The following GRIP1 variants were observed in gnomAD, a reference collection of about 807,000 sequenced individuals.
GRIP1 encodes glutamate receptor-interacting protein 1.
GRIP1 carries 45 observed loss-of-function variants against 129.9 expected under a neutral mutation model. The ratio of observed to expected loss-of-function variants is 0.35; its 90% CI spans 0.27 to 0.44. GRIP1 has a LOEUF of 0.44. Among genes scored for constraint, GRIP1 ranks in the 20% least tolerant of loss-of-function variants. The probability of loss-of-function intolerance (pLI) is 1.00; values close to 1 mark genes in which losing one functional copy is unlikely to be tolerated. For missense variants in GRIP1, 1,196 were observed against 1,396.8 expected, an observed-to-expected ratio of 0.86 and a Z score of 2.29; for synonymous variants, 530 against 520.8, an observed-to-expected ratio of 1.02 and a Z score of -0.24.
At chr12:66,541,779 T>C (rs1565843907) in intron 3 of GRIP1, 36 bp downstream of exon 3, 4 of 1,604,854 alleles carry the variant, frequency 2.5e-6, no homozygotes, top group Admixed American at 1.7e-5. Flanking sequence ...TTACACCCTG[T>C]GTTCCTTTCA....
rs185553363 is a variant in GRIP1, at chr12:66,659,076, T to C, written c.55+19774A>G. ...CCTTACATGCCAAGTTCATTCCTGC[T>C]GCATGGCTTTTGTACTTGCTCTTCT... On this transcript the variant is annotated intron_variant, in intron 1 of 24. Transcript: ENST00000359742. Among the ~76,000 whole-genome samples the C allele has an allele frequency of 1.5e-4, 23 of 152,360 alleles. 1 individual carries two copies. The highest frequency in any genetic ancestry group is 1.5e-3 in the Admixed American group (23 of 15,306).
chr12:66,623,756 A>G (rs1321371119), intron 1 of GRIP1, among the ~76,000 whole-genome samples: 1 of 152,116 alleles, frequency 6.6e-6, no homozygotes, highest in Non-Finnish European at 1.5e-5. Context: ...ATTTATTTTC[A>G]GGATTAAAGA....
At chr12:66,630,513 T>A (rs1487063258) in intron 1 of GRIP1, among the ~76,000 whole-genome samples, 1 of 131,162 alleles carries the variant, frequency 7.6e-6, no homozygotes, top group Admixed American at 7.6e-5. Context: ...AGTGAAAGAA[T>A]GAATCGCATT....
intron 23 of GRIP1, among the ~76,000 whole-genome samples, chr12:66,369,596 A>G (rs1166029655): frequency 1.3e-5 from 2 of 152,140 alleles, no homozygotes; most frequent in Non-Finnish European, 2.9e-5. Flanking sequence ...CTGAGAATGT[A>G]AAGTACATAG....
chr12:66,616,149 A>G (rs1038970731), intron 1 of GRIP1, among the ~76,000 whole-genome samples: 3 of 152,126 alleles, frequency 2.0e-5, no homozygotes, highest in East Asian at 1.9e-4. Flanking sequence ...GGCTTTAACT[A>G]AGGGATATAA....
chr12:67,048,456 A>C (rs1252143092), intron 1 of GRIP1, among the ~76,000 whole-genome samples: 2 of 152,100 alleles, frequency 1.3e-5, no homozygotes, highest in African/African-American at 4.8e-5. Flanking sequence ...ACATATACGC[A>C]CACACATACA....
intron 2 of GRIP1, among the ~76,000 whole-genome samples, chr12:66,556,632 A>T (rs562264700): frequency 6.7e-6 from 1 of 150,350 alleles, no homozygotes; most frequent in South Asian, 2.1e-4. Context: ...AGCCAGTATG[A>T]TAAAACATTA....
At chr12:66,882,532 C>T (rs2040497276) in intron 1 of GRIP1, among the ~76,000 whole-genome samples, 1 of 152,080 alleles carries the variant, frequency 6.6e-6, no homozygotes, top group Non-Finnish European at 1.5e-5. Context: ...GCCTCAGTTC[C>T]CTTATCTGTA....
chr12:66,506,923 T>C (rs551030459), intron 7 of GRIP1, among the ~76,000 whole-genome samples: 4 of 152,284 alleles, frequency 2.6e-5, no homozygotes, highest in African/African-American at 9.6e-5. Flanking sequence ...AAAATCCAAT[T>C]TTTATCTTAG....
At chr12:67,029,352 G>A (rs1279475165) in intron 1 of GRIP1, among the ~76,000 whole-genome samples, 1 of 152,066 alleles carries the variant, frequency 6.6e-6, no homozygotes, top group Non-Finnish European at 1.5e-5. Flanking sequence ...GGGCTCAAGC[G>A]ATCCACCTGC....
chr12:66,364,308 AAAG>A (rs2055005569), intron 23 of GRIP1, among the ~76,000 whole-genome samples: 1 of 150,610 alleles, frequency 6.6e-6, no homozygotes, highest in African/African-American at 2.4e-5. Context: ...AGAAAGAAAG[AAAG>A]AAATGATAAG....
At chr12:66,738,021 G>A (rs985879585) in intron 1 of GRIP1, among the ~76,000 whole-genome samples, 5 of 152,082 alleles carry the variant, frequency 3.3e-5, no homozygotes, top group African/African-American at 7.2e-5. Context: ...ACAGAAGGGG[G>A]TTGAGGGGAA....
chr12:66,590,206 C>T (rs778016450), intron 2 of GRIP1, among the ~76,000 whole-genome samples: 4 of 152,118 alleles, frequency 2.6e-5, no homozygotes, highest in Non-Finnish European at 5.9e-5. Flanking sequence ...AACGGGGATT[C>T]GGGAAATATC....
chr12:66,825,011 T>C (rs1023811666), intron 1 of GRIP1, among the ~76,000 whole-genome samples: 2 of 152,134 alleles, frequency 1.3e-5, no homozygotes, highest in African/African-American at 4.8e-5. Flanking sequence ...TTTGACATGT[T>C]TATAGTACCA....
At chr12:66,679,444 CAAAAAAAAAAAA>C (rs10691128), upstream of GRIP1, among the ~76,000 whole-genome samples, 9 of 117,442 alleles carry the variant, frequency 7.7e-5, no homozygotes, top group Admixed American at 7.6e-4. Context: ...AAACAACAAC[CAAAAAAAAAAAA>C]AAAAAAAAGG....
chr12:66,812,831 C>T lies in GRIP1; in HGVS notation c.59-215904G>A, dbSNP rs529601975. The stretch of plus-strand genomic sequence containing the variant: ...TTTGACATACTTTTTAGGAGGAAAA[C>T]ATTAAAGGCCCTTGAATAATTTAAA... On this transcript the variant is annotated intron_variant, in intron 1 of 1. Coordinates refer to the GRIP1 transcript ENST00000643019. Among the ~76,000 whole-genome samples the T allele has an allele frequency of 1.6e-4, 24 of 152,272 alleles. No homozygotes were observed. In the East Asian group the frequency reaches 4.6e-3, roughly 29 times the overall value.
intron 1 of GRIP1, among the ~76,000 whole-genome samples, chr12:66,621,211 CTTTTT>C (rs957670247): frequency 1.6e-4 from 24 of 151,908 alleles, no homozygotes; most frequent in African/African-American, 5.1e-4. Flanking sequence ...ATCTTCAGAA[CTTTTT>C]TTTATCATCC....
intron 1 of GRIP1, among the ~76,000 whole-genome samples, chr12:66,616,768 T>G (rs2065054686): frequency 6.6e-6 from 1 of 152,086 alleles, no homozygotes; most frequent in Non-Finnish European, 1.5e-5. Context: ...TGATGGGACC[T>G]CCTTCATCTT....
chr12:66,546,704 C>A (rs1166023121), intron 2 of GRIP1, among the ~76,000 whole-genome samples: 1 of 152,146 alleles, frequency 6.6e-6, no homozygotes, highest in Admixed American at 6.6e-5. Context: ...ATAAATCCCA[C>A]AACTTGACCA....
Sources: gnomAD v4.1 joint callset for allele counts (sites outside exome capture counted in the v4.1 genomes callset) on GRCh38, gnomAD v4.1.1 for gene constraint, MANE v1.5 for transcripts, NCBI Gene and HGNC (gene_info 2026-07-23, HGNC 2026-07-21) for gene names.